Variants in CHD9 observed in about 807,000 individuals in gnomAD.
CHD9 encodes the protein chromodomain helicase DNA binding protein 9.
Under a neutral mutation model 316.1 loss-of-function variants are expected in CHD9, and 77 were observed. That is an observed-to-expected ratio of 0.24 (90% confidence interval 0.20 to 0.29). CHD9 has a LOEUF of 0.29. Ranked by LOEUF, CHD9 falls within the 10% of genes least tolerant of loss-of-function variation. The pLI, the probability that CHD9 is intolerant of heterozygous loss-of-function variation, is 1.00. For synonymous variants in CHD9, 1,129 were observed against 1,158.3 expected (o/e 0.97, Z 0.51); for missense variants, 2,763 against 3,438.1 (o/e 0.80, Z 4.91).
chr16:53,123,658 C>G (rs550749551), intron 1 of CHD9, among the ~76,000 whole-genome samples: 1 of 151,964 alleles, frequency 6.6e-6, no homozygotes, highest in Admixed American at 6.6e-5. Context: ...CACACCACAA[C>G]GCCTGGCAAA....
chr16:53,306,191 A>G (rs1474039014), intron 31 of CHD9, 46 bp from the exon 32 acceptor site: 1 of 1,185,586 alleles, frequency 8.4e-7, no homozygotes. Context: ...ATATAAAACT[A>G]TTTTATGTAG....
Position 53,157,123 on chromosome 16 carries a change from C to A in CHD9, c.1034C>A (p.Pro345His), listed in dbSNP as rs535501040. Residue 345 changes from proline to histidine, a missense_variant, in exon 2 of 39, where the codon CCT becomes CAT. Coordinates refer to ENST00000447540, the MANE Select transcript of CHD9 (RefSeq NM_001308319.2). ...TTCCAAATATTGCATTCATCACATC[C>A]TCAGGGTAATTATAGCAATTCAAAA... ...NNFQILHSSH[P>H]QGNYSNSKLS... is the part of the protein sequence containing the mutation. The A allele has an allele frequency of 6.2e-7, 1 of 1,610,770 alleles. No homozygotes were observed. Among genetic ancestry groups the A allele is most frequent in the African/African-American group, 1.3e-5 (1 of 75,018 alleles).
intron 1 of CHD9, among the ~76,000 whole-genome samples, chr16:53,068,925 A>G (rs2033761565): frequency 6.6e-6 from 1 of 152,148 alleles, no homozygotes; most frequent in South Asian, 2.1e-4. Context: ...ATATCCACAT[A>G]TTTTATTGTG....
In CHD9 at chr16:53,314,397, C is replaced by T. The variant is rs1460955802; in HGVS notation, c.7243C>T (p.Leu2415Phe). ...PVSGTSIQPT[L>F]GANGVILDNQ... ...ATTAGGTACTTCCATTCAACCAACCCTTGGTGCCAATGGTGTGATATTAGA... is the reference window on the plus strand; with the variant it reads ...ATTAGGTACTTCCATTCAACCAACCTTTGGTGCCAATGGTGTGATATTAGA... The change falls in exon 35 of 39, where the codon CTT (leucine) becomes TTT (phenylalanine). Residue 2415 changes from leucine to phenylalanine, a missense_variant. By Grantham distance (22) the Leu-to-Phe change is conservative. Transcript: ENST00000447540. 1 of 1,578,582 alleles carries T rather than the reference C, an allele frequency of 6.3e-7. No homozygotes were observed. Among genetic ancestry groups the T allele is most frequent in the Non-Finnish European group, 8.6e-7 (1 of 1,162,616 alleles).
chr16:53,163,253 C>T (rs554565457), intron 2 of CHD9, among the ~76,000 whole-genome samples: 1 of 151,980 alleles, frequency 6.6e-6, no homozygotes, highest in South Asian at 2.1e-4. Context: ...TTTTGTTGCC[C>T]AGGCTAAAGT....
At position 53,314,385 on chromosome 16, in the gene CHD9, A is replaced by C; in HGVS notation, c.7231A>C (p.Ile2411Leu). Residue 2411 changes from isoleucine (I) to leucine (L), a missense_variant, in exon 35 of 39, where the codon ATT becomes CTT. Physicochemically the swap from Ile to Leu is conservative, Grantham distance 5. This residue lies in a region of CHD9 where 663 missense variants were observed against 751.2 expected (regional missense o/e 0.88). Transcript: ENST00000447540. Reference protein sequence around the residue: ...PKSIPVSGTSIQPTLGANGVI... With the variant: ...PKSIPVSGTSLQPTLGANGVI... ...ATTTTTAATTCAATTAGGTACTTCC[A>C]TTCAACCAACCCTTGGTGCCAATGG... The C allele has an allele frequency of 6.4e-7, 1 of 1,567,288 alleles. No homozygotes were observed. Among genetic ancestry groups the C allele is most frequent in the Non-Finnish European group, 8.6e-7 (1 of 1,158,452 alleles).
intron 1 of CHD9, among the ~76,000 whole-genome samples, chr16:53,093,296 C>T (rs184401939): frequency 7.2e-5 from 11 of 152,338 alleles, no homozygotes; most frequent in African/African-American, 2.4e-4. Flanking sequence ...CGCATTAACT[C>T]ATCTGCAGAA....
At chr16:53,221,468 T>G (rs1597491391) in intron 3 of CHD9, among the ~76,000 whole-genome samples, 1 of 152,310 alleles carries the variant, frequency 6.6e-6, no homozygotes, top group East Asian at 1.9e-4. Flanking sequence ...TTTCCATTTT[T>G]ATAATACAGA....
chr16:53,117,864 C>T (rs1283285271), intron 1 of CHD9, among the ~76,000 whole-genome samples: 1 of 148,852 alleles, frequency 6.7e-6, no homozygotes, highest in Non-Finnish European at 1.5e-5. Context: ...CTCTCTCTGT[C>T]TCCCAGGCTG....
chr16:53,304,660 T>C (rs1221467833), intron 31 of CHD9, 35 bp downstream of exon 31: 2 of 1,429,896 alleles, frequency 1.4e-6, no homozygotes, highest in African/African-American at 2.9e-5. Flanking sequence ...TTTTTTAACA[T>C]AACTTTTCTT....
intron 3 of CHD9, among the ~76,000 whole-genome samples, chr16:53,211,961 C>G (rs926948350): frequency 6.6e-6 from 1 of 152,140 alleles, no homozygotes. Context: ...TTTCAACTAG[C>G]ACCATTTTAT....
chr16:53,113,735 C>T (rs2038050868), intron 1 of CHD9, among the ~76,000 whole-genome samples: 1 of 151,774 alleles, frequency 6.6e-6, no homozygotes, highest in Non-Finnish European at 1.5e-5. Flanking sequence ...TTCTGTCATT[C>T]TAAAAAAAAA....
At position 53,303,836 on chromosome 16, in the gene CHD9, T is replaced by A; in HGVS notation, c.5830T>A (p.Leu1944Met). ...GGAACAGGCCCTTCGACATCCACAG[T>A]TGTTTGAACGCTTGAAGCTTTGCCA... ...VREQALRHPQ[L>M]FERLKLCHPN... is the part of the protein sequence containing the mutation. Residue 1944 changes from leucine to methionine, a missense_variant, in exon 31 of 39, where the codon TTG becomes ATG. Transcript: ENST00000447540. 6.2e-7 allele frequency: 1 copy of A among 1,614,018 alleles called. No individual in the cohort carries two copies. Among genetic ancestry groups the A allele is most frequent in the Non-Finnish European group, 8.5e-7 (1 of 1,179,888 alleles).
intron 34 of CHD9, among the ~76,000 whole-genome samples, chr16:53,312,433 G>A (rs2056543797): frequency 6.6e-6 from 1 of 152,150 alleles, no homozygotes; most frequent in African/African-American, 2.4e-5. Flanking sequence ...TTTGATAAGA[G>A]GACAACAAAA....
intron 1 of CHD9, among the ~76,000 whole-genome samples, chr16:53,059,293 G>A (rs944207929): frequency 6.6e-6 from 1 of 152,120 alleles, no homozygotes; most frequent in African/African-American, 2.4e-5. Flanking sequence ...AATTTCTCAT[G>A]TCCTTTAAAA....
chr16:53,127,279 T>G (rs796626768), intron 1 of CHD9, among the ~76,000 whole-genome samples: 2 of 152,188 alleles, frequency 1.3e-5, no homozygotes, highest in Non-Finnish European at 2.9e-5. Flanking sequence ...GGATCTTGAT[T>G]GTATAAGTTT....
rs202080171 is a variant in CHD9 at position 53,246,322 on chromosome 16, ATT to A, written c.3454+473_3454+474del. Among the ~76,000 whole-genome samples the A allele has an allele frequency of 2.2e-3, 342 of 152,288 alleles. 11 individuals carry two copies. The East Asian group carries it at 0.063, about 28-fold the overall frequency. Reference sequence around the variant, plus strand: ...GAATATACGCCTCTCTACTCACTTTATTCAAGACAACTGAAGTCTCTTGTAGT... The same window carrying A: ...GAATATACGCCTCTCTACTCACTTTACAAGACAACTGAAGTCTCTTGTAGT... On this transcript the variant is annotated intron_variant, in intron 15 of 38. Transcript: ENST00000447540.
chr16:53,228,231 A>G (rs1311105571), intron 7 of CHD9, among the ~76,000 whole-genome samples: 1 of 152,098 alleles, frequency 6.6e-6, no homozygotes, highest in East Asian at 1.9e-4. Flanking sequence ...TTGTCCTTAT[A>G]AAATACATTT....
intron 11 of CHD9, among the ~76,000 whole-genome samples, chr16:53,235,614 TA>T (rs2048555249): frequency 6.6e-6 from 1 of 152,180 alleles, no homozygotes; most frequent in Non-Finnish European, 1.5e-5. Context: ...CAACCCGTAC[TA>T]CTGTCTGCCA....
Sources: gnomAD v4.1 joint callset for allele counts (sites outside exome capture counted in the v4.1 genomes callset) on GRCh38, gnomAD v4.1.1 for gene constraint, gnomAD v4.1.1 regional missense constraint, MANE v1.5 for transcripts, NCBI Gene and HGNC (gene_info 2026-07-23, HGNC 2026-07-21) for gene names.